Variants in STX18 observed in about 807,000 individuals in gnomAD.
The protein encoded by STX18 is syntaxin-18.
In STX18, 40 loss-of-function variants were observed where a neutral mutation model predicts 50.1. That is an observed-to-expected ratio of 0.80 (90% confidence interval 0.62 to 1.04). STX18 has a LOEUF of 1.04. Among genes scored for constraint, STX18 ranks in the 50% least tolerant of loss-of-function variants. The probability of loss-of-function intolerance (pLI) is 0.00; values close to 1 mark genes in which losing one functional copy is unlikely to be tolerated. For synonymous variants in STX18, 158 were observed against 151.8 expected, an observed-to-expected ratio of 1.04 and a Z score of -0.30; for missense variants, 410 against 415.8, an observed-to-expected ratio of 0.99 and a Z score of 0.12.
chr4:4,527,867 C>CACATATAT (rs372566368), intron 1 of STX18, among the ~76,000 whole-genome samples: 19,429 of 136,872 alleles, frequency 0.14, 1,441 homozygotes, highest in Non-Finnish European at 0.18. Context: ...CACACACACA[C>CACATATAT]ATATATATAT....
chr4:4,421,276 A>G (rs1724945124), intron 9 of STX18, among the ~76,000 whole-genome samples: 1 of 152,020 alleles, frequency 6.6e-6, no homozygotes, highest in Non-Finnish European at 1.5e-5. Flanking sequence ...GAAGTTTACT[A>G]ACTTGCCCAA....
At chr4:4,423,853 G>A (rs900856572) in intron 8 of STX18, 1 of 505,372 alleles carries the variant, frequency 2.0e-6, no homozygotes, top group Non-Finnish European at 3.6e-6. Flanking sequence ...CCAAGAGGTG[G>A]GTGTGTGCAG....
At chr4:4,520,883 A>T (rs573680483) in intron 1 of STX18, among the ~76,000 whole-genome samples, 50 of 152,350 alleles carry the variant, frequency 3.3e-4, no homozygotes, top group African/African-American at 1.2e-3. Flanking sequence ...AGATGTCCAC[A>T]TGTTTAAGAC....
At chr4:4,422,039 G>A (rs989781044) in intron 9 of STX18, among the ~76,000 whole-genome samples, 1 of 152,074 alleles carries the variant, frequency 6.6e-6, no homozygotes, top group Non-Finnish European at 1.5e-5. Flanking sequence ...ATGCTAGCGT[G>A]GGTTTTTAGA....
upstream of STX18, chr4:4,542,165 G>T: frequency 1.6e-6 from 1 of 624,282 alleles, no homozygotes; most frequent in Non-Finnish European, 2.5e-6. Context: ...CGCACCTGGC[G>T]GAGGAGGAAC....
chr4:4,437,468 C>G (rs1317552011), intron 6 of STX18: 1 of 245,558 alleles, frequency 4.1e-6, no homozygotes, highest in African/African-American at 2.3e-5. Flanking sequence ...TTTTAGTTTT[C>G]AGATTAGAGA....
intron 1 of STX18, among the ~76,000 whole-genome samples, chr4:4,487,752 T>C (rs1055145057): frequency 2.0e-5 from 3 of 152,220 alleles, no homozygotes. Flanking sequence ...AAAAAATGTA[T>C]TTATACCCCA....
intron 9 of STX18, among the ~76,000 whole-genome samples, chr4:4,422,307 C>T (rs1246872029): frequency 6.6e-6 from 1 of 152,144 alleles, no homozygotes; most frequent in Non-Finnish European, 1.5e-5. Context: ...TGGCTCTCGT[C>T]TGTAATCCCA....
At chr4:4,453,445 T>C (rs763078835) in intron 5 of STX18, among the ~76,000 whole-genome samples, 3 of 152,180 alleles carry the variant, frequency 2.0e-5, no homozygotes, top group Non-Finnish European at 2.9e-5. Context: ...AGACAAACAT[T>C]AGCACTTTCA....
At chr4:4,465,617 G>C (rs1036651478) in intron 2 of STX18, among the ~76,000 whole-genome samples, 2 of 152,194 alleles carry the variant, frequency 1.3e-5, no homozygotes, top group Non-Finnish European at 2.9e-5. Context: ...GGAGGATCAG[G>C]GGTGGGAGAA....
chr4:4,484,132 G>A (rs372750899), intron 1 of STX18, among the ~76,000 whole-genome samples: 6 of 152,180 alleles, frequency 3.9e-5, no homozygotes, highest in African/African-American at 9.7e-5. Flanking sequence ...AAAGTGCTGG[G>A]ATTACAGGTG....
chr4:4,452,072 T>C (rs1186191073), intron 5 of STX18, among the ~76,000 whole-genome samples: 1 of 152,150 alleles, frequency 6.6e-6, no homozygotes, highest in Non-Finnish European at 1.5e-5. Flanking sequence ...TGGGAGAAAG[T>C]GTGAGTGGTC....
intron 6 of STX18, among the ~76,000 whole-genome samples, chr4:4,436,821 C>T (rs866237468): frequency 8.5e-5 from 13 of 152,320 alleles, no homozygotes; most frequent in African/African-American, 9.6e-5. Flanking sequence ...CTGATCCCCA[C>T]GGGTCTTCTT....
At chr4:4,441,833 A>C (rs1255823033) in intron 5 of STX18, among the ~76,000 whole-genome samples, 2 of 152,248 alleles carry the variant, frequency 1.3e-5, no homozygotes, top group Non-Finnish European at 2.9e-5. Flanking sequence ...TGATATGCAT[A>C]CTAAAGTATT....
chr4:4,500,471 A>T (rs893872698), intron 1 of STX18, among the ~76,000 whole-genome samples: 11 of 152,206 alleles, frequency 7.2e-5, no homozygotes, highest in African/African-American at 2.7e-4. Flanking sequence ...AATCCAGAGA[A>T]ATAAACAGGA....
At chr4:4,429,056 C>G (rs918538323) in intron 7 of STX18, among the ~76,000 whole-genome samples, 3 of 152,188 alleles carry the variant, frequency 2.0e-5, no homozygotes, top group African/African-American at 4.8e-5. Context: ...CACTCTCCCC[C>G]ACCCTCCAAC....
intron 5 of STX18, among the ~76,000 whole-genome samples, chr4:4,452,342 G>C (rs1324879558): frequency 6.6e-6 from 1 of 152,218 alleles, no homozygotes; most frequent in Non-Finnish European, 1.5e-5. Flanking sequence ...ATTGATCAAA[G>C]TGGCTATACT....
Position 4,457,516 on chromosome 4 carries a change from A to G in STX18, c.353-16T>C, listed in dbSNP as rs766290903. 16 of 1,609,338 alleles carry G rather than the reference A, an allele frequency of 9.9e-6. No individual in the cohort carries two copies. The Admixed American group carries it at 1.0e-4, about 10-fold the overall frequency. ...TCCTTGTGAGCTGTAACAGAAAAAG[A>G]CAATGTTCAGGCCTTCGCACTCAAT... On this transcript the variant is annotated splice_polypyrimidine_tract_variant and intron_variant, in intron 3 of 10. Transcript: ENST00000306200.
At chr4:4,426,151 A>C (rs1230335725) in intron 7 of STX18, 4 of 152,162 alleles carry the variant, frequency 2.6e-5, no homozygotes, top group African/African-American at 9.7e-5. Flanking sequence ...CCATTTTCTG[A>C]AAATATCTTA....
Sources: allele counts gnomAD v4.1 joint callset (sites outside exome capture counted in the v4.1 genomes callset), GRCh38; gene constraint gnomAD v4.1.1; transcripts MANE v1.5; gene names NCBI Gene and HGNC (gene_info 2026-07-23, HGNC 2026-07-21).